The following EPC1 variants were observed in gnomAD, a reference collection of about 807,000 sequenced individuals.
EPC1 encodes enhancer of polycomb homolog 1.
EPC1 carries 12 observed loss-of-function variants against 98.4 expected under a neutral mutation model. The observed-to-expected ratio is 0.12, with a 90% confidence interval of 0.08 to 0.20. The LOEUF is 0.20. Among genes scored for constraint, EPC1 ranks in the 10% least tolerant of loss-of-function variants. The probability of loss-of-function intolerance (pLI) is 1.00; values close to 1 mark genes in which losing one functional copy is unlikely to be tolerated. For synonymous variants in EPC1, 357 were observed against 363.9 expected, an observed-to-expected ratio of 0.98 and a Z score of 0.21; for missense variants, 729 against 990.5, an observed-to-expected ratio of 0.74 and a Z score of 3.54.
At chr10:32,330,256 C>T (rs533912738) in intron 1 of EPC1, among the ~76,000 whole-genome samples, 1 of 152,230 alleles carries the variant, frequency 6.6e-6, no homozygotes, top group East Asian at 1.9e-4. Flanking sequence ...GATGGCAATA[C>T]CTTGAATTAT....
In EPC1 at chr10:32,272,210, T is replaced by C. The variant is rs1431040108; in HGVS notation, c.1864-43A>G. The C allele has an allele frequency of 2.6e-6, 4 of 1,511,266 alleles. No homozygotes were observed. The South Asian group carries it at 5.2e-5, about 20-fold the overall frequency. The allele number at this position is 1,511,266 out of a possible 1,614,324, so 93.6% of individuals were successfully genotyped here. Reference sequence around the variant, plus strand: ...AAGAAATCTAATCAGTATCACTTAGTATCAAATCAATATCAAAACTACACA... The same window carrying C: ...AAGAAATCTAATCAGTATCACTTAGCATCAAATCAATATCAAAACTACACA... On this transcript the variant is annotated intron_variant, in intron 11 of 13. Transcript: ENST00000319778.
intron 1 of EPC1, chr10:32,345,611 T>C (rs1838719097): frequency 6.1e-6 from 6 of 985,442 alleles, no homozygotes; most frequent in Middle Eastern, 5.2e-4. Context: ...CATCAAGTTA[T>C]ACTGTCAAGG....
chr10:32,329,534 G>A (rs1381481307), intron 1 of EPC1, among the ~76,000 whole-genome samples: 1 of 152,160 alleles, frequency 6.6e-6, no homozygotes, highest in African/African-American at 2.4e-5. Flanking sequence ...AAAAATGAGG[G>A]CTAGCAGTTA....
In EPC1 at chr10:32,371,073, C is replaced by T. The variant is rs77772363; in HGVS notation, c.3+7418G>A. ...ACATGGAATTTGCTGGTTTTTTCCT[C>T]CCTCATTTAGGTTGGCAATTTGTTT... On this transcript the variant is annotated intron_variant, in intron 1 of 13. Coordinates refer to the EPC1 transcript ENST00000375110. Among the ~76,000 whole-genome samples, 725 of 152,278 alleles carry T rather than the reference C, an allele frequency of 4.8e-3. 4 individuals carry two copies. Among genetic ancestry groups the T allele is most frequent in the Non-Finnish European group, 6.8e-3 (464 of 68,016 alleles).
At chr10:32,339,143 G>A (rs938652089) in intron 1 of EPC1, among the ~76,000 whole-genome samples, 2 of 151,954 alleles carry the variant, frequency 1.3e-5, no homozygotes, top group African/African-American at 4.8e-5. Context: ...TGCAAATTAT[G>A]TCTACATAAT....
chr10:32,366,977 C>CGTATGTATGTATGTATGTAT (rs368610986), intron 1 of EPC1, among the ~76,000 whole-genome samples: 5 of 151,900 alleles, frequency 3.3e-5, no homozygotes, highest in African/African-American at 9.7e-5. Flanking sequence ...AAACTATGTA[C>CGTATGTATGTATGTATGTAT]GTATGTATGT....
chr10:32,363,284 T>C (rs1391287701), intron 1 of EPC1, among the ~76,000 whole-genome samples: 1 of 152,212 alleles, frequency 6.6e-6, no homozygotes, highest in African/African-American at 2.4e-5. Flanking sequence ...TTTCACCATG[T>C]TGCCCAGGCT....
intron 1 of EPC1, chr10:32,345,165 C>A (rs565912765): frequency 1.0e-6 from 1 of 981,804 alleles, no homozygotes; most frequent in Non-Finnish European, 1.2e-6. Context: ...AAAAAATAAA[C>A]AAATGGCCAT....
chr10:32,351,689 C>A (rs1839114521), upstream of EPC1, among the ~76,000 whole-genome samples: 1 of 151,620 alleles, frequency 6.6e-6, no homozygotes, highest in African/African-American at 2.4e-5. Context: ...CGTGTCTTTC[C>A]TGCCTCCAGG....
At chr10:32,346,048 A>G (rs1457641415) in intron 1 of EPC1, among the ~76,000 whole-genome samples, 1 of 152,210 alleles carries the variant, frequency 6.6e-6, no homozygotes, top group Non-Finnish European at 1.5e-5. Flanking sequence ...AGCTCTGGAG[A>G]GGGATGGATA....
At chr10:32,320,605 C>CT (rs985101812) in intron 1 of EPC1, among the ~76,000 whole-genome samples, 40 of 151,494 alleles carry the variant, frequency 2.6e-4, no homozygotes, top group South Asian at 1.2e-3. Context: ...TGACCTTTTT[C>CT]TTTTTTTTTG....
In EPC1 at chr10:32,291,342, A is replaced by G. The variant is rs1463470355; in HGVS notation, c.816-20T>C. The G allele has an allele frequency of 1.3e-6, 2 of 1,571,924 alleles. No individual in the cohort carries two copies. The highest frequency in any genetic ancestry group is 1.7e-6 in the Non-Finnish European group (2 of 1,150,436). Reference sequence around the variant, plus strand: ...TTATACCTAAAATTATACAAATGAAAGTTTAAAATTATATATATTTAAGGA... The same window carrying G: ...TTATACCTAAAATTATACAAATGAAGGTTTAAAATTATATATATTTAAGGA... On this transcript the variant is annotated intron_variant, in intron 5 of 13. Coordinates refer to ENST00000319778, the MANE Select transcript of EPC1 (RefSeq NM_001272004.3).
chr10:32,297,825 T>C (rs1835259800), intron 2 of EPC1, among the ~76,000 whole-genome samples: 1 of 151,874 alleles, frequency 6.6e-6, no homozygotes, highest in South Asian at 2.1e-4. Flanking sequence ...TGAGACAGAG[T>C]CTCGCTCTGT....
rs763818502 is a variant in EPC1 at position 32,286,823 on chromosome 10, C to T, written c.1262G>A (p.Gly421Asp). ...TTTAGGACTAGTCCAAGGCCAGTTGCCAGTTTGGTCTAAGTGAGGCTTAAA... is the reference window on the plus strand; with the variant it reads ...TTTAGGACTAGTCCAAGGCCAGTTGTCAGTTTGGTCTAAGTGAGGCTTAAA... ...QYYAPHLDQTGNWPWTSPKDG... is the reference protein window; with the variant it reads ...QYYAPHLDQTDNWPWTSPKDG... Residue 421 changes from glycine to aspartate, a missense_variant, in exon 9 of 14, where the codon GGC becomes GAC. Physicochemically the swap from Gly to Asp is moderately conservative, Grantham distance 94. This residue lies in a region of EPC1 where 390 missense variants were observed against 438.6 expected (regional missense o/e 0.89). Coordinates refer to ENST00000319778, the MANE Select transcript of EPC1 (RefSeq NM_001272004.3). The T allele has an allele frequency of 1.9e-6, 3 of 1,613,536 alleles. No homozygotes were observed. The Admixed American group carries it at 5.0e-5, about 27-fold the overall frequency.
intron 1 of EPC1, among the ~76,000 whole-genome samples, chr10:32,343,288 G>C (rs978149843): frequency 6.6e-6 from 1 of 152,114 alleles, no homozygotes; most frequent in Non-Finnish European, 1.5e-5. Flanking sequence ...TCAGCTCTCT[G>C]CAACTTCCAC....
At chr10:32,352,597 T>G (rs557929086) in intron 1 of EPC1, among the ~76,000 whole-genome samples, 2 of 152,174 alleles carry the variant, frequency 1.3e-5, no homozygotes, top group Non-Finnish European at 2.9e-5. Flanking sequence ...TTTCCTAATC[T>G]GAAGCATCGG....
chr10:32,365,107 G>A (rs1028350012), intron 1 of EPC1, among the ~76,000 whole-genome samples: 1 of 152,174 alleles, frequency 6.6e-6, no homozygotes, highest in Admixed American at 6.5e-5. Flanking sequence ...CAATCCCTGA[G>A]TCAGAGAGGT....
At chr10:32,347,367 G>T (rs1838921072), upstream of EPC1, 2 of 219,834 alleles carry the variant, frequency 9.1e-6, no homozygotes. Context: ...GGGCGGACTG[G>T]GCGCTCGGAC....
intron 2 of EPC1, among the ~76,000 whole-genome samples, chr10:32,298,389 G>A (rs1835296913): frequency 6.6e-6 from 1 of 152,204 alleles, no homozygotes; most frequent in African/African-American, 2.4e-5. Flanking sequence ...AGCACACAAT[G>A]TGGATTAGGA....
Sources: allele counts gnomAD v4.1 joint callset (sites outside exome capture counted in the v4.1 genomes callset), GRCh38; gene constraint gnomAD v4.1.1; regional missense constraint gnomAD v4.1.1; transcripts MANE v1.5; gene names NCBI Gene and HGNC (gene_info 2026-07-23, HGNC 2026-07-21).